The following PPM1E variants were observed in gnomAD, a reference collection of about 807,000 sequenced individuals.
PPM1E encodes the protein protein phosphatase 1E.
A neutral mutation model predicts 65.9 loss-of-function variants in PPM1E; 20 were observed. The observed-to-expected ratio is 0.30, with a 90% CI of 0.21 to 0.44. PPM1E has a LOEUF of 0.44. Ranked by LOEUF, PPM1E falls within the 20% of genes least tolerant of loss-of-function variation. PPM1E has a pLI of 1.00. For missense variants in PPM1E, 713 were observed against 953.1 expected, an observed-to-expected ratio of 0.75 and a Z score of 3.32; for synonymous variants, 352 against 374.9, an observed-to-expected ratio of 0.94 and a Z score of 0.70.
chr17:58,806,439 AT>A (rs2050315031), intron 1 of PPM1E, among the ~76,000 whole-genome samples: 1 of 151,944 alleles, frequency 6.6e-6, no homozygotes, highest in Non-Finnish European at 1.5e-5. Context: ...AAAAAAAAAA[AT>A]GTGATAGGAA....
Position 58,807,990 on chromosome 17 carries a change from G to C in PPM1E, c.464+51529G>C, listed in dbSNP as rs181525892. On this transcript the variant is annotated intron_variant, in intron 1 of 6. Coordinates refer to ENST00000308249, the MANE Select transcript of PPM1E (RefSeq NM_014906.5). ...TTGGAAAGATGTTTTGGTATTACCT[G>C]GTAAAACTGAAGTTGCAAATGCCCT... Among the ~76,000 whole-genome samples, 9 of 152,226 alleles carry C rather than the reference G, an allele frequency of 5.9e-5. No homozygotes were observed. In the East Asian group the frequency reaches 1.7e-3, roughly 29 times the overall value.
chr17:58,766,210 T>C (rs1316026104), intron 1 of PPM1E, among the ~76,000 whole-genome samples: 1 of 133,346 alleles, frequency 7.5e-6, no homozygotes, highest in Non-Finnish European at 1.6e-5. Context: ...TTTTTTTTTT[T>C]TTTTTTTTTG....
chr17:58,775,423 GTTA>G (rs1270821905), intron 1 of PPM1E, among the ~76,000 whole-genome samples: 1 of 151,932 alleles, frequency 6.6e-6, no homozygotes, highest in African/African-American at 2.4e-5. Context: ...CTATAATAAT[GTTA>G]TTATTGTATT....
intron 1 of PPM1E, among the ~76,000 whole-genome samples, chr17:58,912,216 C>T (rs916636658): frequency 1.6e-4 from 25 of 152,174 alleles, no homozygotes; most frequent in Admixed American, 1.1e-3. Context: ...ACAACAAGAG[C>T]GGGAGGGCTG....
chr17:58,949,499 G>A (rs906940968), intron 1 of PPM1E, among the ~76,000 whole-genome samples: 1 of 151,918 alleles, frequency 6.6e-6, no homozygotes, highest in Non-Finnish European at 1.5e-5. Context: ...TCTTTTAATT[G>A]GGAATTTTAA....
intron 1 of PPM1E, among the ~76,000 whole-genome samples, chr17:58,830,052 G>A (rs951763197): frequency 6.6e-5 from 10 of 152,062 alleles, no homozygotes; most frequent in Non-Finnish European, 4.4e-5. Context: ...GCCCATGCCT[G>A]TAGTCCTAGC....
chr17:58,956,297 G>A lies in PPM1E; in HGVS notation c.583+530G>A, dbSNP rs1261735180. On this transcript the variant is annotated intron_variant, in intron 2 of 6. Transcript: ENST00000308249. ...AAAAAGAATACAAAAATTAGCCGGT[G>A]TAGTGGTGCACACCTGTGGTCCTAG... 5.9e-5 allele frequency among the ~76,000 whole-genome samples: 9 copies of A among 152,108 alleles called. 1 individual carries two copies. Among genetic ancestry groups the A allele is most frequent in the African/African-American group, 2.2e-4 (9 of 41,498 alleles).
chr17:58,879,703 G>C (rs1408687314), intron 1 of PPM1E, among the ~76,000 whole-genome samples: 1 of 151,714 alleles, frequency 6.6e-6, no homozygotes, highest in East Asian at 1.9e-4. Context: ...TAGAGACGGG[G>C]TTTCACCATG....
At chr17:58,866,236 C>G (rs901618114) in intron 1 of PPM1E, among the ~76,000 whole-genome samples, 2 of 152,122 alleles carry the variant, frequency 1.3e-5, no homozygotes, top group Non-Finnish European at 2.9e-5. Context: ...AGAAAGCATG[C>G]AGTTTATAGG....
chr17:58,774,424 A>T (rs778236924), intron 1 of PPM1E, among the ~76,000 whole-genome samples: 69 of 152,164 alleles, frequency 4.5e-4, no homozygotes, highest in Non-Finnish European at 8.8e-4. Flanking sequence ...AAAAAAGCAT[A>T]TTTAGGTATA....
At chr17:58,918,120 AG>A (rs890941720) in intron 1 of PPM1E, among the ~76,000 whole-genome samples, 1 of 151,992 alleles carries the variant, frequency 6.6e-6, no homozygotes, top group African/African-American at 2.4e-5. Context: ...TTATTTTCTG[AG>A]TTTAACAGTG....
chr17:58,960,346 C>G (rs921139644), intron 2 of PPM1E, among the ~76,000 whole-genome samples: 1 of 152,158 alleles, frequency 6.6e-6, no homozygotes, highest in Admixed American at 6.5e-5. Context: ...GTTTCCCATT[C>G]CTGAACTAAT....
chr17:58,784,914 T>G (rs2050084736), intron 1 of PPM1E, among the ~76,000 whole-genome samples: 1 of 152,246 alleles, frequency 6.6e-6, no homozygotes, highest in Non-Finnish European at 1.5e-5. Context: ...TTATCATATA[T>G]GCTTAGCAAG....
intron 1 of PPM1E, among the ~76,000 whole-genome samples, chr17:58,916,814 T>C (rs2051688372): frequency 6.6e-6 from 1 of 152,170 alleles, no homozygotes; most frequent in South Asian, 2.1e-4. Context: ...GCTGAGATAG[T>C]ATATGGGAAA....
chr17:58,967,255 T>C (rs1417995729), intron 3 of PPM1E, among the ~76,000 whole-genome samples: 2 of 152,176 alleles, frequency 1.3e-5, no homozygotes, highest in African/African-American at 4.8e-5. Context: ...TGCAGAAAAG[T>C]CTTAGGCATG....
chr17:58,922,337 C>A lies in PPM1E; in HGVS notation c.465-33312C>A, dbSNP rs545514349. ...GCACGATCATAGCTCACTGCAACCT[C>A]GAACTCCTGGGCTCAAGGGATCCTC... On this transcript the variant is annotated intron_variant, in intron 1 of 6. Coordinates refer to ENST00000308249, the MANE Select transcript of PPM1E (RefSeq NM_014906.5). Among the ~76,000 whole-genome samples the A allele has an allele frequency of 2.0e-5, 3 of 152,158 alleles. No individual in the cohort carries two copies. The South Asian group carries it at 6.2e-4, about 32-fold the overall frequency.
chr17:58,756,608 CTCGGACCCGGGCGG>C (rs2049768300), intron 1 of PPM1E, 147 bp downstream of exon 1: 17 of 1,041,418 alleles, frequency 1.6e-5, no homozygotes, highest in Non-Finnish European at 2.1e-5. Flanking sequence ...GCCCCCGCTG[CTCGGACCCGGGCGG>C]TCGGCTGAGA....
intron 2 of PPM1E, among the ~76,000 whole-genome samples, chr17:58,959,305 G>A (rs371938881): frequency 1.1e-5 from 1 of 87,238 alleles, no homozygotes; most frequent in African/African-American, 4.6e-5. Context: ...GTGAGACTCC[G>A]TCTCAAAAAA....
chr17:58,816,859 G>A (rs112219670), intron 1 of PPM1E, among the ~76,000 whole-genome samples: 5,636 of 141,576 alleles, frequency 0.04, 235 homozygotes, highest in African/African-American at 0.1. Context: ...GCAGTGGCGC[G>A]ATCTCAGCTC....
Sources: allele counts gnomAD v4.1 joint callset (sites outside exome capture counted in the v4.1 genomes callset), GRCh38; gene constraint gnomAD v4.1.1; transcripts MANE v1.5; gene names NCBI Gene and HGNC (gene_info 2026-07-23, HGNC 2026-07-21).